CSMD1: variants seen among roughly 807,000 people sequenced by gnomAD.
The protein encoded by CSMD1 is CUB and Sushi multiple domains 1.
In CSMD1, 213 loss-of-function variants were observed where a neutral mutation model predicts 417.5. The observed-to-expected ratio is 0.51, with a 90% CI of 0.46 to 0.57. The LOEUF (loss-of-function observed/expected upper bound fraction) is 0.57, where lower values mean the gene tolerates loss of function less well. CSMD1 is among the 20% of genes least tolerant of loss of function. CSMD1 has a pLI of 0.00. For synonymous variants in CSMD1, 2,862 were observed against 1,736.8 expected (o/e 1.65, Z -16.11); for missense variants, 6,923 against 4,529.7 (o/e 1.53, Z -15.17).
At chr8:3,638,220 C>A (rs530490168) in intron 7 of CSMD1, among the ~76,000 whole-genome samples, 1 of 152,190 alleles carries the variant, frequency 6.6e-6, no homozygotes. Context: ...CAGAACTGGG[C>A]TTTAAAACAT....
chr8:3,732,020 G>T (rs187973323), intron 6 of CSMD1, among the ~76,000 whole-genome samples: 1 of 149,384 alleles, frequency 6.7e-6, no homozygotes, highest in African/African-American at 2.4e-5. Flanking sequence ...AGAGCAGAAT[G>T]CATGCTCTCC....
At chr8:4,440,502 A>G (rs150333457) in intron 2 of CSMD1, among the ~76,000 whole-genome samples, 117 of 152,292 alleles carry the variant, frequency 7.7e-4, no homozygotes, top group African/African-American at 2.7e-3. Context: ...ATTTCCCTCT[A>G]TAATTTCTAT....
At chr8:4,554,892 T>C (rs1398296615) in intron 2 of CSMD1, among the ~76,000 whole-genome samples, 1 of 152,052 alleles carries the variant, frequency 6.6e-6, no homozygotes, top group African/African-American at 2.4e-5. Flanking sequence ...GTGGTGATGA[T>C]GGTGTTCATG....
intron 3 of CSMD1, among the ~76,000 whole-genome samples, chr8:4,128,183 G>T (rs190627425): frequency 1.2e-4 from 18 of 151,922 alleles, no homozygotes; most frequent in African/African-American, 4.4e-4. Flanking sequence ...GGACCCCTGC[G>T]GAAAAAGTGC....
chr8:3,087,003 T>G lies in CSMD1; in HGVS notation c.7474+94A>C, dbSNP rs552196352. On this transcript the variant is annotated intron_variant, in intron 49 of 69. Coordinates refer to ENST00000635120, the MANE Select transcript of CSMD1 (RefSeq NM_033225.6). Reference sequence around the variant, plus strand: ...CAACATTCAATTTTTCCTTACCTTTTATTCTTAGTTAGTGCTTCATTTATT... The same window carrying G: ...CAACATTCAATTTTTCCTTACCTTTGATTCTTAGTTAGTGCTTCATTTATT... The G allele has an allele frequency of 1.7e-5, 20 of 1,146,064 alleles. No homozygotes were observed. In the South Asian group the frequency reaches 2.3e-4, roughly 13 times the overall value. 71.0% of individuals were successfully genotyped at this position (1,146,064 alleles called of 1,614,324 possible).
At chr8:3,494,639 T>C (rs1168868598) in intron 10 of CSMD1, among the ~76,000 whole-genome samples, 2 of 151,824 alleles carry the variant, frequency 1.3e-5, no homozygotes, top group Non-Finnish European at 2.9e-5. Flanking sequence ...ACAGACTGGA[T>C]GGATGGATGG....
chr8:3,424,756 G>A (rs1008013025), intron 12 of CSMD1, among the ~76,000 whole-genome samples: 2 of 152,210 alleles, frequency 1.3e-5, no homozygotes, highest in African/African-American at 2.4e-5. Flanking sequence ...GAACCACAGT[G>A]TTTGTGTTCA....
At chr8:4,473,716 G>C (rs747876690) in intron 2 of CSMD1, among the ~76,000 whole-genome samples, 1 of 152,192 alleles carries the variant, frequency 6.6e-6, no homozygotes, top group Non-Finnish European at 1.5e-5. Flanking sequence ...ATGCAGGAAT[G>C]TGTAGCATGT....
chr8:4,128,102 G>A (rs1802873788), intron 3 of CSMD1, among the ~76,000 whole-genome samples: 1 of 152,274 alleles, frequency 6.6e-6, no homozygotes, highest in Middle Eastern at 3.4e-3. Flanking sequence ...GTCTTCACAT[G>A]CATCTGGCAA....
chr8:3,321,849 G>A (rs1051855610), intron 23 of CSMD1, among the ~76,000 whole-genome samples: 8 of 152,130 alleles, frequency 5.3e-5, no homozygotes, highest in Non-Finnish European at 1.2e-4. Flanking sequence ...AACACTTTCT[G>A]ATTTGTACAA....
chr8:2,944,642 C>T lies in CSMD1; in HGVS notation c.10403-2038G>A, dbSNP rs192525756. Reference sequence around the variant, plus strand: ...TAGCTTTCCTCTTGACTCCTCAGAACCTGCAATAAAACCTAGAACACAGTA... The same window carrying T: ...TAGCTTTCCTCTTGACTCCTCAGAATCTGCAATAAAACCTAGAACACAGTA... On this transcript the variant is annotated intron_variant, in intron 68 of 69. Transcript: ENST00000635120. 4.8e-4 allele frequency among the ~76,000 whole-genome samples: 73 copies of T among 152,160 alleles called. 1 individual carries two copies. The highest frequency in any genetic ancestry group is 1.6e-3 in the African/African-American group (65 of 41,520).
intron 3 of CSMD1, among the ~76,000 whole-genome samples, chr8:4,190,678 T>C (rs968049924): frequency 6.6e-6 from 1 of 152,120 alleles, no homozygotes; most frequent in African/African-American, 2.4e-5. Flanking sequence ...TATAACCAGA[T>C]AGATTTTTCA....
chr8:4,327,029 T>G (rs768636112), intron 3 of CSMD1, among the ~76,000 whole-genome samples: 1 of 152,046 alleles, frequency 6.6e-6, no homozygotes, highest in South Asian at 2.1e-4. Flanking sequence ...CCACAGAAGG[T>G]CAGTGGTATG....
intron 3 of CSMD1, among the ~76,000 whole-genome samples, chr8:4,157,624 G>A (rs1022808945): frequency 6.6e-6 from 1 of 152,182 alleles, no homozygotes; most frequent in Non-Finnish European, 1.5e-5. Flanking sequence ...ACGCAGAGTT[G>A]ATTTTCAGAA....
chr8:3,786,488 G>C (rs1199014451), intron 5 of CSMD1, among the ~76,000 whole-genome samples: 1 of 152,170 alleles, frequency 6.6e-6, no homozygotes, highest in Non-Finnish European at 1.5e-5. Context: ...GTGACAGATA[G>C]TGTCAGACAA....
intron 1 of CSMD1, among the ~76,000 whole-genome samples, chr8:4,970,330 T>C (rs1204201044): frequency 1.3e-5 from 2 of 152,148 alleles, no homozygotes; most frequent in African/African-American, 2.4e-5. Context: ...CAAGGGGATG[T>C]GTATTAAAGT....
intron 1 of CSMD1, among the ~76,000 whole-genome samples, chr8:4,775,108 A>C (rs1297386402): frequency 6.6e-6 from 1 of 152,260 alleles, no homozygotes; most frequent in African/African-American, 2.4e-5. Flanking sequence ...ACAGAAGGAA[A>C]TATTTAAAAT....
At chr8:4,704,894 T>G (rs1223607269) in intron 1 of CSMD1, among the ~76,000 whole-genome samples, 1 of 152,148 alleles carries the variant, frequency 6.6e-6, no homozygotes, top group African/African-American at 2.4e-5. Flanking sequence ...TAAAGAAAAC[T>G]GCTTAATTTT....
intron 3 of CSMD1, among the ~76,000 whole-genome samples, chr8:4,340,193 A>C (rs1037236021): frequency 6.6e-6 from 1 of 152,040 alleles, no homozygotes; most frequent in South Asian, 2.1e-4. Context: ...CCAAAAAACT[A>C]ATGACACCTT....
Sources: gnomAD v4.1 joint callset for allele counts (sites outside exome capture counted in the v4.1 genomes callset) on GRCh38, gnomAD v4.1.1 for gene constraint, MANE v1.5 for transcripts, NCBI Gene and HGNC (gene_info 2026-07-23, HGNC 2026-07-21) for gene names.